The following RCOR1 variants were observed in gnomAD, a reference collection of about 807,000 sequenced individuals.
RCOR1 encodes REST corepressor.
A neutral mutation model predicts 64.0 loss-of-function variants in RCOR1; 12 were observed. The observed-to-expected ratio is 0.19, with a 90% CI of 0.12 to 0.30. The LOEUF is 0.30. Ranked by LOEUF, RCOR1 falls within the 10% of genes least tolerant of loss-of-function variation. RCOR1 has a pLI of 1.00. For missense variants in RCOR1, 502 were observed against 621.2 expected (o/e 0.81, Z 2.04); for synonymous variants, 279 against 227.2 (o/e 1.23, Z -2.05).
At chr14:102,683,557 C>T (rs1404006200) in intron 3 of RCOR1, among the ~76,000 whole-genome samples, 3 of 152,248 alleles carry the variant, frequency 2.0e-5, no homozygotes, top group Non-Finnish European at 2.9e-5. Flanking sequence ...GGTGCTGACC[C>T]CTACTGTTCC....
intron 6 of RCOR1, among the ~76,000 whole-genome samples, chr14:102,710,024 A>T (rs1595241282): frequency 1.3e-5 from 2 of 152,290 alleles, no homozygotes; most frequent in East Asian, 3.9e-4. Context: ...GCAGCACCTG[A>T]TAAATTGTTG....
At chr14:102,645,482 G>T (rs1195230079) in intron 2 of RCOR1, among the ~76,000 whole-genome samples, 1 of 152,124 alleles carries the variant, frequency 6.6e-6, no homozygotes, top group African/African-American at 2.4e-5. Flanking sequence ...CCCTTTTCCT[G>T]TAATGTACAA....
intron 4 of RCOR1, among the ~76,000 whole-genome samples, chr14:102,705,512 A>C (rs1267683926): frequency 1.3e-5 from 2 of 152,168 alleles, no homozygotes; most frequent in Non-Finnish European, 2.9e-5. Context: ...TGGTGTGATC[A>C]TAGCTCACTG....
intron 2 of RCOR1, among the ~76,000 whole-genome samples, chr14:102,602,220 T>G (rs915712609): frequency 6.6e-6 from 1 of 152,010 alleles, no homozygotes. Context: ...GTAAATGGAA[T>G]AATCTATGCT....
intron 4 of RCOR1, 81 bp from the exon 5 acceptor site, chr14:102,707,270 T>A: frequency 8.0e-7 from 1 of 1,250,048 alleles, no homozygotes; most frequent in Non-Finnish European, 1.1e-6. Flanking sequence ...TGAAGTCGTT[T>A]TTACTTTTCT....
At chr14:102,698,748 T>C (rs1476425292) in intron 3 of RCOR1, among the ~76,000 whole-genome samples, 3 of 152,202 alleles carry the variant, frequency 2.0e-5, no homozygotes, top group Non-Finnish European at 4.4e-5. Flanking sequence ...TCCTCCAGTA[T>C]GAACCCCCAT....
At chr14:102,617,972 CTTTTTTTTTTT>C (rs71305077) in intron 2 of RCOR1, among the ~76,000 whole-genome samples, 2 of 122,552 alleles carry the variant, frequency 1.6e-5, no homozygotes, top group South Asian at 2.7e-4. Flanking sequence ...TTTTTTTTTT[CTTTTTTTTTTT>C]TTTTTGTGAG....
rs1595184114 is a variant in RCOR1, at chr14:102,592,707, G to A, written c.-180G>A. ...AAAGTTGCGCTCGGCTCGTCGCTGG[G>A]GGCTTGAAGCGGCTCCGCGCTCTGC... On this transcript the variant is annotated 5_prime_UTR_variant, in exon 1 of 12. Transcript: ENST00000262241. 1.6e-6 allele frequency: 2 copies of A among 1,227,242 alleles called. No homozygotes were observed. Among genetic ancestry groups the A allele is most frequent in the Admixed American group, 4.3e-5 (1 of 23,508 alleles). The allele number at this position is 1,227,242 out of a possible 1,614,324, so 76.0% of individuals were successfully genotyped here.
At chr14:102,639,504 TA>T (rs1368822313) in intron 2 of RCOR1, among the ~76,000 whole-genome samples, 1 of 85,294 alleles carries the variant, frequency 1.2e-5, no homozygotes, top group South Asian at 3.1e-4. Context: ...AATTTTTATT[TA>T]TTTATTTATT....
chr14:102,722,448 G>C, intron 11 of RCOR1, 32 bp downstream of exon 11: 1 of 1,560,282 alleles, frequency 6.4e-7, no homozygotes, highest in Non-Finnish European at 8.8e-7. Context: ...CACTTCTCTT[G>C]TCAGGTTCAC....
In RCOR1 at chr14:102,632,751, TCCCCTCCCCTCC is replaced by T. The variant is rs1894151311; in HGVS notation, c.361+39429_361+39440del. Reference sequence around the variant, plus strand: ...TCTTCTCCCCTCCCCTCCCCTCCCCTCCCCTCCCCTCCCCTCCCCTCTCCTCCCCTCTCCTCT... The same window carrying T: ...TCTTCTCCCCTCCCCTCCCCTCCCCTCCTCCCCTCTCCTCCCCTCTCCTCT... On this transcript the variant is annotated intron_variant, in intron 2 of 11. Coordinates refer to ENST00000262241, the MANE Select transcript of RCOR1 (RefSeq NM_015156.4). 7.5e-5 allele frequency among the ~76,000 whole-genome samples: 3 copies of T among 40,098 alleles called. 1 individual carries two copies. The highest frequency in any genetic ancestry group is 1.1e-4 in the African/African-American group (1 of 9,284). 26.3% of individuals were successfully genotyped at this position (40,098 alleles called of 152,430 possible). A position where few individuals can be genotyped will look rare whatever the true frequency, so the allele number is the denominator to read the frequency against.
At chr14:102,649,057 C>CAAAAA (rs1323616591) in intron 2 of RCOR1, among the ~76,000 whole-genome samples, 3 of 128,482 alleles carry the variant, frequency 2.3e-5, no homozygotes, top group East Asian at 2.5e-4. Context: ...ACCAAACAAG[C>CAAAAA]AAAAAAAACA....
intron 2 of RCOR1, among the ~76,000 whole-genome samples, chr14:102,607,868 C>T (rs892454936): frequency 3.3e-5 from 5 of 151,712 alleles, no homozygotes; most frequent in Admixed American, 6.6e-5. Context: ...GGCAACAGAG[C>T]GAGACTCTGT....
intron 8 of RCOR1, among the ~76,000 whole-genome samples, chr14:102,716,426 TTC>T (rs1334902794): frequency 6.6e-6 from 1 of 152,232 alleles, no homozygotes; most frequent in African/African-American, 2.4e-5. Flanking sequence ...TGTTTTTGAG[TTC>T]TGTTCACCTT....
Position 102,701,530 on chromosome 14 carries a change from A to T in RCOR1, c.498+200A>T, listed in dbSNP as rs556581239. ...TAGAGGACCCTTTGATTTGAAAGGC[A>T]TATCTGTCATCTGCAGATCTACAGC... On this transcript the variant is annotated intron_variant, in intron 4 of 11. Coordinates refer to ENST00000262241, the MANE Select transcript of RCOR1 (RefSeq NM_015156.4). Among the ~76,000 whole-genome samples, 3 of 152,186 alleles carry T rather than the reference A, an allele frequency of 2.0e-5. No individual in the cohort carries two copies. In the East Asian group the frequency reaches 5.8e-4, roughly 29 times the overall value.
At position 102,715,130 on chromosome 14, in the gene RCOR1, G is replaced by A. The variant is rs149027764; in HGVS notation, c.1053+513G>A. ...GTCGCCCAGGCTGGAGTGCAGTGGC[G>A]CGATCCCGGCTCACTGCAAGCTCTG... is the stretch of plus-strand genomic sequence containing the variant. On this transcript the variant is annotated intron_variant, in intron 8 of 11. Transcript: ENST00000262241. Among the ~76,000 whole-genome samples the A allele has an allele frequency of 1.5e-3, 226 of 151,202 alleles. 2 individuals are homozygous for A. The highest frequency in any genetic ancestry group is 2.8e-3 in the Non-Finnish European group (189 of 67,844).
intron 2 of RCOR1, among the ~76,000 whole-genome samples, chr14:102,624,952 G>A (rs1449011943): frequency 2.6e-5 from 4 of 151,996 alleles, no homozygotes. Context: ...CTCAACTGCA[G>A]CCTTAATCCC....
In RCOR1 at chr14:102,679,564, C is replaced by T. The variant is rs146373522; in HGVS notation, c.362-2331C>T. 6.7e-3 allele frequency among the ~76,000 whole-genome samples: 1,024 copies of T among 151,950 alleles called. 13 individuals carry two copies. The highest frequency in any genetic ancestry group is 0.024 in the African/African-American group (982 of 41,448). On this transcript the variant is annotated intron_variant, in intron 2 of 11. Transcript: ENST00000262241. ...TGCAATCTTGGCTCACTGCAAGCTC[C>T]GCCTCTCGCGTTCACGCCATTCTCC... is the stretch of plus-strand genomic sequence containing the variant.
chr14:102,675,033 G>A (rs1375501173), intron 2 of RCOR1, among the ~76,000 whole-genome samples: 1 of 113,812 alleles, frequency 8.8e-6, no homozygotes, highest in Non-Finnish European at 1.6e-5. Context: ...GGGCGACAGA[G>A]CAAGACTCCA....
Sources: allele counts gnomAD v4.1 joint callset (sites outside exome capture counted in the v4.1 genomes callset), GRCh38; gene constraint gnomAD v4.1.1; transcripts MANE v1.5; gene names NCBI Gene and HGNC (gene_info 2026-07-23, HGNC 2026-07-21).